The following OSBPL9 variants were observed in gnomAD, a reference collection of about 807,000 sequenced individuals.
OSBPL9 encodes oxysterol binding protein like 9.
A neutral mutation model predicts 106.6 loss-of-function variants in OSBPL9; 40 were observed. That is an observed-to-expected ratio of 0.38 (90% CI 0.29 to 0.49). The LOEUF (loss-of-function observed/expected upper bound fraction) is 0.49, where lower values mean the gene tolerates loss of function less well. OSBPL9 is among the 20% of genes least tolerant of loss of function. OSBPL9 has a pLI of 0.97. For missense variants in OSBPL9, 609 were observed against 887.2 expected (o/e 0.69, Z 3.98); for synonymous variants, 269 against 295.4 (o/e 0.91, Z 0.92).
chr1:51,578,000 G>A (rs915185915), intron 1 of OSBPL9, among the ~76,000 whole-genome samples: 4 of 152,092 alleles, frequency 2.6e-5, no homozygotes, highest in Middle Eastern at 3.2e-3. Flanking sequence ...AGCACTTCAC[G>A]GTCTGTAATT....
At position 51,729,780 on chromosome 1, in the gene OSBPL9, T is replaced by G; in HGVS notation, c.318+15701T>G. On this transcript the variant is annotated intron_variant, in intron 4 of 23. Transcript: ENST00000428468. The surrounding 1 kb of genome is among the most constrained non-coding windows in gnomAD (Gnocchi z 5.1). Reference sequence around the variant, plus strand: ...AGGGCCAGCCAATCGGGGCGACCCCTCCGCCGGGGAGGGGACGGGAAAGGG... The same window carrying G: ...AGGGCCAGCCAATCGGGGCGACCCCGCCGCCGGGGAGGGGACGGGAAAGGG... 2 of 1,213,068 alleles carry G rather than the reference T, an allele frequency of 1.6e-6. No homozygotes were observed. Among genetic ancestry groups the G allele is most frequent in the Middle Eastern group, 6.3e-4 (2 of 3,164 alleles). 75.1% of individuals were successfully genotyped at this position (1,213,068 alleles called of 1,614,324 possible).
upstream of OSBPL9, among the ~76,000 whole-genome samples, chr1:51,572,471 C>CCT (rs1440716896): frequency 6.6e-6 from 1 of 152,116 alleles, no homozygotes. Flanking sequence ...TCTGTCTGCT[C>CCT]CTCTCTCCGT....
intron 4 of OSBPL9, chr1:51,740,078 A>C: frequency 6.5e-7 from 1 of 1,539,834 alleles, no homozygotes; most frequent in Non-Finnish European, 8.8e-7. Flanking sequence ...CCTTTACTTG[A>C]TTATTGATGT....
chr1:51,774,814 A>G (rs1196602701), intron 14 of OSBPL9, among the ~76,000 whole-genome samples: 2 of 152,220 alleles, frequency 1.3e-5, no homozygotes, highest in South Asian at 2.1e-4. Context: ...CACTACAAAC[A>G]TTGAAGAAAA....
intron 1 of OSBPL9, among the ~76,000 whole-genome samples, chr1:51,646,442 A>G (rs190898641): frequency 8.0e-4 from 122 of 152,340 alleles, no homozygotes; most frequent in African/African-American, 2.8e-3. Flanking sequence ...TAGAAATACA[A>G]TTAATTTTTG....
the OSBPL9 span, among the ~76,000 whole-genome samples, chr1:51,540,515 G>A: frequency 6.6e-5 from 10 of 151,926 alleles, no homozygotes; most frequent in African/African-American, 1.4e-4. Flanking sequence ...TTAGCTGGGC[G>A]TGGTGGCGCA....
At chr1:51,704,675 T>C (rs1339144900) in intron 3 of OSBPL9, among the ~76,000 whole-genome samples, 1 of 152,224 alleles carries the variant, frequency 6.6e-6, no homozygotes, top group Admixed American at 6.5e-5. Flanking sequence ...CTTGTCCTTA[T>C]ATCCTCATGT....
chr1:51,559,325 T>C, the OSBPL9 span, among the ~76,000 whole-genome samples: 1 of 152,186 alleles, frequency 6.6e-6, no homozygotes, highest in Non-Finnish European at 1.5e-5. Flanking sequence ...GAGTAGGACC[T>C]GTGAGTGTCA....
intron 4 of OSBPL9, among the ~76,000 whole-genome samples, chr1:51,735,976 AT>A (rs2148962833): frequency 6.6e-6 from 1 of 152,294 alleles, no homozygotes; most frequent in African/African-American, 2.4e-5. Context: ...AAATAACTCT[AT>A]GAGTTATTTA....
chr1:51,744,854 CA>C (rs1428258366), intron 4 of OSBPL9, among the ~76,000 whole-genome samples: 1 of 152,174 alleles, frequency 6.6e-6, no homozygotes, highest in Non-Finnish European at 1.5e-5. Flanking sequence ...GTAGGACATG[CA>C]AATGCTGCAC....
At chr1:51,662,876 C>T (rs1290409796) in intron 2 of OSBPL9, among the ~76,000 whole-genome samples, 1 of 151,560 alleles carries the variant, frequency 6.6e-6, no homozygotes, top group Non-Finnish European at 1.5e-5. Context: ...TCCTGAGTAG[C>T]TAGGACTACA....
chr1:51,592,720 C>G (rs1645283004), intron 1 of OSBPL9, among the ~76,000 whole-genome samples: 2 of 152,316 alleles, frequency 1.3e-5, no homozygotes, highest in East Asian at 3.9e-4. Context: ...TTGGCTTCAT[C>G]AACTGCCTGG....
At chr1:51,688,079 G>C (rs1019637589) in intron 3 of OSBPL9, among the ~76,000 whole-genome samples, 2 of 152,164 alleles carry the variant, frequency 1.3e-5, no homozygotes, top group Admixed American at 1.3e-4. Flanking sequence ...GCTTGACCAT[G>C]TTCTCTCTGT....
Position 51,772,743 on chromosome 1 carries a change from A to G in OSBPL9, c.1170+20A>G. On this transcript the variant is annotated intron_variant, in intron 14 of 23. Coordinates refer to ENST00000428468, the MANE Select transcript of OSBPL9 (RefSeq NM_024586.6). ...ACTAAGGTAAGACCAAATTTGCTGT[A>G]AGTCTGTGTGGGTATGTATGGATTC... The G allele has an allele frequency of 1.3e-6, 2 of 1,553,318 alleles. No homozygotes were observed. Among genetic ancestry groups the G allele is most frequent in the South Asian group, 1.1e-5 (1 of 89,858 alleles).
At chr1:51,658,368 G>GT (rs140492392) in intron 2 of OSBPL9, among the ~76,000 whole-genome samples, 1,913 of 147,854 alleles carry the variant, frequency 0.013, 38 homozygotes, top group African/African-American at 0.044. Context: ...ATGAATGGTA[G>GT]TTTTTTTTTT....
chr1:51,776,760 CT>C (rs57902123), intron 14 of OSBPL9, 72 bp from the exon 15 acceptor site: 170,600 of 749,448 alleles, frequency 0.23, 222 homozygotes, highest in South Asian at 0.26. Context: ...GTTTTGTTTT[CT>C]TTTTTTTTTT....
chr1:51,585,396 G>A (rs1014692751), intron 1 of OSBPL9, among the ~76,000 whole-genome samples: 9 of 152,156 alleles, frequency 5.9e-5, no homozygotes, highest in Non-Finnish European at 1.0e-4. Context: ...GCTGAGATGA[G>A]GATTGGAGTG....
At chr1:51,609,273 C>A (rs1213573226) in intron 2 of OSBPL9, among the ~76,000 whole-genome samples, 1 of 151,632 alleles carries the variant, frequency 6.6e-6, no homozygotes, top group Non-Finnish European at 1.5e-5. Context: ...GGGTTCCATC[C>A]TGAACCATAC....
At chr1:51,535,514 T>C in the OSBPL9 span, among the ~76,000 whole-genome samples, 2 of 152,206 alleles carry the variant, frequency 1.3e-5, no homozygotes, top group Non-Finnish European at 2.9e-5. Context: ...ATCTCCATAC[T>C]GTTTCTATTT....
Sources: allele counts gnomAD v4.1 joint callset (sites outside exome capture counted in the v4.1 genomes callset), GRCh38; gene constraint gnomAD v4.1.1; non-coding constraint Gnocchi (gnomAD v3.1); transcripts MANE v1.5; gene names NCBI Gene and HGNC (gene_info 2026-07-23, HGNC 2026-07-21).